IZUMO1R: variants seen among roughly 807,000 people sequenced by gnomAD.
IZUMO1R encodes the protein sperm-egg fusion protein Juno.
A neutral mutation model predicts 22.1 loss-of-function variants in IZUMO1R; 24 were observed. The ratio of observed to expected loss-of-function variants is 1.09; its 90% CI spans 0.79 to 1.53. The LOEUF (loss-of-function observed/expected upper bound fraction) is 1.53. Ranked by LOEUF, IZUMO1R falls within the 40% of genes most tolerant of loss-of-function variation. The probability of loss-of-function intolerance (pLI) is 0.00; values close to 1 mark genes in which losing one functional copy is unlikely to be tolerated. For synonymous variants in IZUMO1R, 133 were observed against 121.2 expected (o/e 1.10, Z -0.64); for missense variants, 308 against 314.9 (o/e 0.98, Z 0.17).
rs765874113 is a variant in IZUMO1R at position 94,307,291 on chromosome 11, T to C, written c.475T>C (p.Trp159Arg). The C allele has an allele frequency of 2.5e-6, 4 of 1,612,926 alleles. No homozygotes were observed. The highest frequency in any genetic ancestry group is 3.4e-6 in the Non-Finnish European group (4 of 1,179,480). Residue 159 changes from tryptophan to arginine, a missense_variant, in exon 4 of 5, where the codon TGG becomes CGG. Transcript: ENST00000687084. ...CKSNWRGGWD[W>R]SQGKNRCPKG... is the part of the protein sequence containing the mutation. ...ATCCAACTGGCGTGGTGGCTGGGAC[T>C]GGAGTCAGGGTGAGTGGTGCTGACA...
intron 2 of IZUMO1R, 41 bp from the exon 3 acceptor site, chr11:94,306,472 C>T (rs1002398356): frequency 2.5e-6 from 4 of 1,579,402 alleles, no homozygotes; most frequent in Non-Finnish European, 3.5e-6. Context: ...CCGATCCTTG[C>T]CCCTTTTGCC....
intron 2 of IZUMO1R, 129 bp from the exon 3 acceptor site, chr11:94,306,384 A>C: frequency 1.2e-6 from 1 of 809,784 alleles, no homozygotes; most frequent in Non-Finnish European, 2.1e-6. Flanking sequence ...GTAGGGGCTT[A>C]CTAGCTAAAG....
In IZUMO1R at chr11:94,307,320, C is replaced by T. The variant is rs758882091; in HGVS notation, c.484+20C>T. 6.2e-6 allele frequency: 10 copies of T among 1,612,628 alleles called. No individual in the cohort carries two copies. The African/African-American group carries it at 9.3e-5, about 15-fold the overall frequency. ...GTCAGGGTGAGTGGTGCTGACAAGG[C>T]CTTGGTCGGGAAGAGGCCCCTTGGT... On this transcript the variant is annotated intron_variant, in intron 4 of 4. Coordinates refer to ENST00000687084, the MANE Select transcript of IZUMO1R (RefSeq NM_001199206.4).
At chr11:94,307,382 G>A in intron 4 of IZUMO1R, 42 bp from the exon 5 acceptor site, 1 of 1,612,224 alleles carries the variant, frequency 6.2e-7, no homozygotes, top group South Asian at 1.1e-5. Context: ...GGCTAGCAAT[G>A]AGGGAGTAGG....
At position 94,307,119 on chromosome 11, in the gene IZUMO1R, C is replaced by T. The variant is rs181196017; in HGVS notation, c.349-46C>T. ...CCACTGTAGCTATTAGTAGTCTTCA[C>T]ATCTCTGCTATTAATGTTCTAATCT... On this transcript the variant is annotated intron_variant, in intron 3 of 4. Transcript: ENST00000687084. 4.8e-4 allele frequency: 745 copies of T among 1,559,610 alleles called. 2 individuals are homozygous for T. The African/African-American group carries it at 7.9e-3, about 17-fold the overall frequency.
rs1293915672 is a variant in IZUMO1R, at chr11:94,305,869, G to A, written c.138+95G>A. 3 of 1,413,770 alleles carry A rather than the reference G, an allele frequency of 2.1e-6. No homozygotes were observed. In the Admixed American group the frequency reaches 6.4e-5, roughly 30 times the overall value. 87.6% of individuals were successfully genotyped at this position (1,413,770 alleles called of 1,614,324 possible). A position where few individuals can be genotyped will look rare whatever the true frequency, so the allele number is the denominator to read the frequency against. On this transcript the variant is annotated intron_variant, in intron 2 of 4. Coordinates refer to ENST00000687084, the MANE Select transcript of IZUMO1R (RefSeq NM_001199206.4). The stretch of plus-strand genomic sequence containing the variant: ...CGAACCTCATCAACCCTGATCATTT[G>A]GTTCCTGGGGTTAGGAGTTAAGCAA...
rs1187172824 is a variant in IZUMO1R, at chr11:94,306,726, G to A, written c.348+4G>A. 1 of 1,613,752 alleles carries A rather than the reference G, an allele frequency of 6.2e-7. No homozygotes were observed. Among genetic ancestry groups the A allele is most frequent in the Admixed American group, 1.7e-5 (1 of 60,024 alleles). ...AGTGGGAAGCCTGGGGTGGGAGGTA[G>A]GAAGCAGATCTGTGCCATGCCCTGT... On this transcript the variant is annotated splice_donor_region_variant and intron_variant, in intron 3 of 4. Coordinates refer to ENST00000687084, the MANE Select transcript of IZUMO1R (RefSeq NM_001199206.4).
intron 2 of IZUMO1R, 41 bp from the exon 3 acceptor site, chr11:94,306,471 GC>G (rs34570749): frequency 1.3e-6 from 2 of 1,576,962 alleles, no homozygotes; most frequent in East Asian, 4.5e-5. Context: ...GCCGATCCTT[GC>G]CCCTTTTGCC....
chr11:94,306,474 C>T (rs1304993247), intron 2 of IZUMO1R, 39 bp from the exon 3 acceptor site: 2 of 1,588,456 alleles, frequency 1.3e-6, no homozygotes, highest in East Asian at 4.5e-5. Flanking sequence ...GATCCTTGCC[C>T]CTTTTGCCTG....
Position 94,307,900 on chromosome 11 carries a change from AACCTGCACATTTGGTCCG to A in IZUMO1R, c.*210_*227del, listed in dbSNP as rs1944041335. Among the ~76,000 whole-genome samples, 1 of 151,550 alleles carries A rather than the reference AACCTGCACATTTGGTCCG, an allele frequency of 6.6e-6. No individual in the cohort carries two copies. Among genetic ancestry groups the A allele is most frequent in the Non-Finnish European group, 1.5e-5 (1 of 67,868 alleles). ...TGAGGCTTCAGCGGCTGGTGCCTGC[AACCTGCACATTTGGTCCG>A]AGACCCCCTCCACTGCTCTGCTCTA... On this transcript the variant is annotated 3_prime_UTR_variant, in exon 5 of 5. Coordinates refer to ENST00000687084, the MANE Select transcript of IZUMO1R (RefSeq NM_001199206.4).
intron 3 of IZUMO1R, 32 bp from the exon 4 acceptor site, chr11:94,307,133 A>G: frequency 1.3e-6 from 2 of 1,571,778 alleles, no homozygotes; most frequent in Non-Finnish European, 1.7e-6. Flanking sequence ...TCTGCTATTA[A>G]TGTTCTAATC....
chr11:94,305,735 C>T lies in IZUMO1R; in HGVS notation c.99C>T (p.His33=). Residue 33 remains histidine (H), a synonymous_variant, in exon 2 of 5, where the codon CAC becomes CAT. Transcript: ENST00000687084. The part of the protein sequence containing the change: ...LLNICMNAKH[H]KRVPSPEDKL... ...ACATCTGCATGAATGCCAAACACCA[C>T]AAGAGAGTGCCCAGCCCAGAAGACA... is the stretch of plus-strand genomic sequence containing the variant. 1 of 1,613,294 alleles carries T rather than the reference C, an allele frequency of 6.2e-7. No individual in the cohort carries two copies.
At chr11:94,306,798 G>T in intron 3 of IZUMO1R, 76 bp downstream of exon 3, 1 of 1,412,074 alleles carries the variant, frequency 7.1e-7, no homozygotes, top group Admixed American at 1.9e-5. Context: ...TGCTGATGCC[G>T]CCAGGATGCT....
Position 94,304,882 on chromosome 11 carries a change from G to C in IZUMO1R, c.-7+3G>C, listed in dbSNP as rs1435091233. ...ACCTGAAGGCTCCTGCCTTGAAAGT[G>C]AGTATGAAGAGAGTGCTGGAAGGGG... On this transcript the variant is annotated splice_donor_region_variant and intron_variant, in intron 1 of 4. Transcript: ENST00000687084. 6.6e-6 allele frequency among the ~76,000 whole-genome samples: 1 copy of C among 152,194 alleles called. No homozygotes were observed. The highest frequency in any genetic ancestry group is 1.5e-5 in the Non-Finnish European group (1 of 68,026).
chr11:94,307,239 A>G lies in IZUMO1R; in HGVS notation c.423A>G (p.Glu141=). 6.2e-7 allele frequency: 1 copy of G among 1,609,014 alleles called. No homozygotes were observed. The highest frequency in any genetic ancestry group is 8.5e-7 in the Non-Finnish European group (1 of 1,177,830). ...AGGAGGACTGTGAGGAGTGGTGGGAAGACTGTCGCATGTCTTACACATGCA... is the reference window on the plus strand; with the variant it reads ...AGGAGGACTGTGAGGAGTGGTGGGAGGACTGTCGCATGTCTTACACATGCA... ...LCQEDCEEWW[E]DCRMSYTCKS... is the part of the protein sequence containing the mutation. Residue 141 remains glutamate (E), a synonymous_variant, in exon 4 of 5, where the codon GAA becomes GAG. Coordinates refer to ENST00000687084, the MANE Select transcript of IZUMO1R (RefSeq NM_001199206.4).
chr11:94,304,953 T>G (rs374385789), intron 1 of IZUMO1R, among the ~76,000 whole-genome samples, 74 bp downstream of exon 1: 3 of 152,212 alleles, frequency 2.0e-5, no homozygotes, highest in African/African-American at 7.2e-5. Context: ...TCTTTAAAAA[T>G]ATTCAAGGCC....
intron 3 of IZUMO1R, 102 bp from the exon 4 acceptor site, chr11:94,307,062 AG>A: frequency 7.6e-7 from 1 of 1,314,834 alleles, no homozygotes; most frequent in South Asian, 1.4e-5. Context: ...GCTTTATGGA[AG>A]ATGATGTACA....
rs549993703 is a variant in IZUMO1R at position 94,307,750 on chromosome 11, G to A, written c.*58G>A. 1.7e-4 allele frequency: 275 copies of A among 1,578,360 alleles called. No homozygotes were observed. In the East Asian group the frequency reaches 5.5e-3, roughly 32 times the overall value. On this transcript the variant is annotated 3_prime_UTR_variant, in exon 5 of 5. Coordinates refer to ENST00000687084, the MANE Select transcript of IZUMO1R (RefSeq NM_001199206.4). The stretch of plus-strand genomic sequence containing the variant: ...GTCCACCAACTGTGGGTCAGGCCAG[G>A]CCATGGCCTACCTCCTTCCTCAGGC...
chr11:94,305,546 T>G (rs991884256), intron 1 of IZUMO1R, 85 bp from the exon 2 acceptor site: 2 of 1,494,054 alleles, frequency 1.3e-6, no homozygotes, highest in African/African-American at 2.8e-5. Context: ...TTGAAGCCCA[T>G]CCCCCTTTCC....
Sources: allele counts gnomAD v4.1 joint callset (sites outside exome capture counted in the v4.1 genomes callset), GRCh38; gene constraint gnomAD v4.1.1; transcripts MANE v1.5; gene names NCBI Gene and HGNC (gene_info 2026-07-23, HGNC 2026-07-21).